The following LRP11 variants were observed in gnomAD, a reference collection of about 807,000 sequenced individuals.
The protein encoded by LRP11 is LDL receptor related protein 11.
LRP11 carries 25 observed loss-of-function variants against 43.1 expected under a neutral mutation model. That is an observed-to-expected ratio of 0.58 (90% CI 0.42 to 0.81). LRP11 has a LOEUF of 0.81. Ranked by LOEUF, LRP11 falls within the 30% of genes least tolerant of loss-of-function variation. The probability of loss-of-function intolerance (pLI) is 0.00; values close to 1 mark genes in which losing one functional copy is unlikely to be tolerated. For synonymous variants in LRP11, 316 were observed against 299.4 expected (o/e 1.06, Z -0.57); for missense variants, 623 against 665.1 (o/e 0.94, Z 0.70).
At chr6:149,859,503 C>T (rs1200895668) in intron 1 of LRP11, among the ~76,000 whole-genome samples, 1 of 147,752 alleles carries the variant, frequency 6.8e-6, no homozygotes, top group Non-Finnish European at 1.5e-5. Flanking sequence ...TTAAGCTATT[C>T]TCATGTCTCA....
chr6:149,835,093 C>A (rs1776454458), intron 5 of LRP11, among the ~76,000 whole-genome samples: 1 of 152,186 alleles, frequency 6.6e-6, no homozygotes, highest in Admixed American at 6.5e-5. Flanking sequence ...TGTCTCATGT[C>A]ACATAATCAT....
chr6:149,864,344 G>GGT lies in LRP11; in HGVS notation c.-326_-325dup, dbSNP rs1777007212. On this transcript the variant is annotated 5_prime_UTR_variant, in exon 1 of 7. Transcript: ENST00000239367. ...TCGGCCTCGGCGTTGATCAGCACCA[G>GGT]GTGTGTGCGAACAGTGGCCGCGGCG... The GGT allele has an allele frequency of 9.9e-7, 1 of 1,006,436 alleles. No individual in the cohort carries two copies. The allele number at this position is 1,006,436 out of a possible 1,614,324, so 62.3% of individuals were successfully genotyped here. A position where few individuals can be genotyped will look rare whatever the true frequency, so the allele number is the denominator to read the frequency against.
At chr6:149,829,054 C>A (rs1776375145) in intron 5 of LRP11, among the ~76,000 whole-genome samples, 1 of 152,160 alleles carries the variant, frequency 6.6e-6, no homozygotes, top group African/African-American at 2.4e-5. Flanking sequence ...ACAAAACTAG[C>A]AGCCCTGAAA....
Position 149,820,330 on chromosome 6 carries a change from T to G in LRP11, c.*219A>C. ...ACAGCTTACATAAATCAGAATTATA[T>G]TTTTAGGAATCTTTAATCATGAATT... is the stretch of plus-strand genomic sequence containing the variant. On this transcript the variant is annotated 3_prime_UTR_variant, in exon 7 of 7. Coordinates refer to ENST00000239367, the MANE Select transcript of LRP11 (RefSeq NM_032832.6). The G allele has an allele frequency of 2.5e-6, 1 of 395,802 alleles. No homozygotes were observed. Among genetic ancestry groups the G allele is most frequent in the Non-Finnish European group, 4.5e-6 (1 of 222,126 alleles). 24.5% of individuals were successfully genotyped at this position (395,802 alleles called of 1,614,324 possible).
chr6:149,859,396 A>ATATATTTTTTTTT, intron 1 of LRP11, among the ~76,000 whole-genome samples: 2 of 71,494 alleles, frequency 2.8e-5, no homozygotes, highest in African/African-American at 1.6e-4. Context: ...ATATATATAT[A>ATATATTTTTTTTT]TTTTTTTTTT....
At chr6:149,859,318 C>G (rs531968801) in intron 1 of LRP11, among the ~76,000 whole-genome samples, 36 of 147,590 alleles carry the variant, frequency 2.4e-4, no homozygotes, top group Admixed American at 2.2e-3. Context: ...CATACCTCCT[C>G]TTCTGGGAAG....
chr6:149,820,587 C>G lies in LRP11; in HGVS notation c.1465G>C (p.Glu489Gln). Residue 489 changes from glutamate to glutamine, a missense_variant, in exon 7 of 7, where the codon GAG becomes CAG. Glu to Gln is a conservative substitution (Grantham distance 29). Coordinates refer to ENST00000239367, the MANE Select transcript of LRP11 (RefSeq NM_032832.6). The stretch of plus-strand genomic sequence containing the variant: ...CCATTTATGAGGTAGTCCGATTCCT[C>G]AGATGTAATGGGACGAGCTTTTTTC... ...KLKKARPITS[E>Q]ESDYLINGMY... 1.3e-6 allele frequency: 1 copy of G among 781,034 alleles called. No homozygotes were observed. Among genetic ancestry groups the G allele is most frequent in the Non-Finnish European group, 2.4e-6 (1 of 418,134 alleles). The allele number at this position is 781,034 out of a possible 1,614,324, so 48.4% of individuals were successfully genotyped here.
chr6:149,855,920 T>C (rs879441099), intron 1 of LRP11, among the ~76,000 whole-genome samples: 4 of 152,188 alleles, frequency 2.6e-5, no homozygotes, highest in Non-Finnish European at 5.9e-5. Context: ...GAGTGTCTGA[T>C]GTCTTTATGC....
At chr6:149,844,832 T>C (rs957699905) in intron 2 of LRP11, among the ~76,000 whole-genome samples, 3 of 152,282 alleles carry the variant, frequency 2.0e-5, no homozygotes, top group Non-Finnish European at 4.4e-5. Context: ...TACACACCCA[T>C]AGGATGCTTT....
intron 2 of LRP11, among the ~76,000 whole-genome samples, chr6:149,848,204 A>C (rs1027410648): frequency 6.7e-6 from 1 of 148,312 alleles, no homozygotes; most frequent in African/African-American, 2.4e-5. Flanking sequence ...CAAAACAAAA[A>C]AAACCCCACC....
intron 2 of LRP11, among the ~76,000 whole-genome samples, chr6:149,850,803 C>T: frequency 6.6e-6 from 1 of 152,144 alleles, no homozygotes; most frequent in Non-Finnish European, 1.5e-5. Context: ...CTGAAGGATC[C>T]ACTAACCAAC....
intron 2 of LRP11, among the ~76,000 whole-genome samples, chr6:149,851,446 G>C (rs1195324650): frequency 6.6e-6 from 1 of 152,192 alleles, no homozygotes; most frequent in Admixed American, 6.5e-5. Context: ...AGGAACATCT[G>C]ACAAACTGTG....
rs138533562 is a variant in LRP11 at position 149,833,966 on chromosome 6, C to T, written c.1252+2119G>A. On this transcript the variant is annotated intron_variant, in intron 5 of 6. Coordinates refer to ENST00000239367, the MANE Select transcript of LRP11 (RefSeq NM_032832.6). Reference sequence around the variant, plus strand: ...TGGTGGTTTGCTGCACAGATCATCCCATCCCTAGGTATTAAGCCCAGCATC... The same window carrying T: ...TGGTGGTTTGCTGCACAGATCATCCTATCCCTAGGTATTAAGCCCAGCATC... Among the ~76,000 whole-genome samples, 1,126 of 152,200 alleles carry T rather than the reference C, an allele frequency of 7.4e-3. 21 individuals carry two copies. The highest frequency in any genetic ancestry group is 0.026 in the African/African-American group (1,093 of 41,504).
At chr6:149,856,046 C>T (rs1203624442) in intron 1 of LRP11, among the ~76,000 whole-genome samples, 2 of 152,166 alleles carry the variant, frequency 1.3e-5, no homozygotes, top group Non-Finnish European at 2.9e-5. Context: ...TGGTTTATGA[C>T]TTTATAATTC....
intron 3 of LRP11, among the ~76,000 whole-genome samples, chr6:149,838,756 T>G (rs1282049223): frequency 6.6e-6 from 1 of 151,990 alleles, no homozygotes. Flanking sequence ...TAATTTGCAG[T>G]GCAATTCATA....
chr6:149,826,956 A>C (rs1776348421), intron 5 of LRP11, among the ~76,000 whole-genome samples: 1 of 145,310 alleles, frequency 6.9e-6, no homozygotes, highest in Non-Finnish European at 1.5e-5. Context: ...TGAGGGGGAA[A>C]TTATTATTAT....
chr6:149,836,050 AG>A, intron 5 of LRP11, 34 bp downstream of exon 5: 1 of 1,570,618 alleles, frequency 6.4e-7, no homozygotes, highest in Non-Finnish European at 8.8e-7. Context: ...ACAGAAAACA[AG>A]GTTCTTCATT....
chr6:149,833,255 C>A (rs1416980849), intron 5 of LRP11, among the ~76,000 whole-genome samples: 2 of 152,128 alleles, frequency 1.3e-5, no homozygotes, highest in African/African-American at 2.4e-5. Flanking sequence ...ACTTTTAAAT[C>A]TACTTATGGG....
At chr6:149,837,251 CTG>C in intron 4 of LRP11, 85 bp downstream of exon 4, 1 of 1,426,918 alleles carries the variant, frequency 7.0e-7, no homozygotes, top group Non-Finnish European at 9.5e-7. Flanking sequence ...GGGAAGGACA[CTG>C]TGTTTGCATT....
Sources: gnomAD v4.1 joint callset for allele counts (sites outside exome capture counted in the v4.1 genomes callset) on GRCh38, gnomAD v4.1.1 for gene constraint, MANE v1.5 for transcripts, NCBI Gene and HGNC (gene_info 2026-07-23, HGNC 2026-07-21) for gene names.